Variants in VWA5A observed in about 807,000 individuals in gnomAD.
VWA5A encodes the protein von Willebrand factor A domain containing 5A, also known as von Willebrand factor A domain-containing protein 5A.
VWA5A carries 77 observed loss-of-function variants against 84.6 expected under a neutral mutation model. The observed-to-expected ratio is 0.91, with a 90% CI of 0.76 to 1.10. The LOEUF (loss-of-function observed/expected upper bound fraction) is 1.10. Ranked by LOEUF, VWA5A falls within the 50% of genes least tolerant of loss-of-function variation. The probability of loss-of-function intolerance (pLI) is 0.00; values close to 1 mark genes in which losing one functional copy is unlikely to be tolerated. For synonymous variants in VWA5A, 334 were observed against 350.1 expected, an observed-to-expected ratio of 0.95 and a Z score of 0.51; for missense variants, 973 against 963.0, an observed-to-expected ratio of 1.01 and a Z score of -0.14.
At chr11:124,137,320 T>C in intron 15 of VWA5A, 52 bp downstream of exon 15, 1 of 1,573,706 alleles carries the variant, frequency 6.4e-7, no homozygotes, top group Non-Finnish European at 8.6e-7. Flanking sequence ...ATTCTGACTA[T>C]CTGAGCACAT....
rs1029873360 is a variant in VWA5A, at chr11:124,141,705, T to G, written c.1987T>G (p.Cys663Gly). The change falls in exon 16 of 19, where the codon TGT becomes GGT. Residue 663 changes from cysteine to glycine, a missense_variant. Transcript: ENST00000456829. ...KTFQMDDYSLCGLISHKDQHS... is the reference protein window; with the variant it reads ...KTFQMDDYSLGGLISHKDQHS... ...ATTCCAGATGGACGATTACAGTCTC[T>G]GTGGGTTGATAAGTCACAAGGACCA... 3 of 1,614,104 alleles carry G rather than the reference T, an allele frequency of 1.9e-6. No individual in the cohort carries two copies. The highest frequency in any genetic ancestry group is 1.7e-6 in the Non-Finnish European group (2 of 1,180,044).
At chr11:124,128,792 T>A (rs559390298) in intron 11 of VWA5A, among the ~76,000 whole-genome samples, 5 of 152,314 alleles carry the variant, frequency 3.3e-5, no homozygotes, top group African/African-American at 1.2e-4. Flanking sequence ...TGTCTATTAT[T>A]GGTGTATAGG....
In VWA5A at chr11:124,143,915, AT is replaced by A. The variant is rs137910253; in HGVS notation, c.2155-1312del. Among the ~76,000 whole-genome samples, 12 of 149,396 alleles carry A rather than the reference AT, an allele frequency of 8.0e-5. No individual in the cohort carries two copies. The South Asian group carries it at 1.3e-3, about 16-fold the overall frequency. ...TATCTGAATTTCAGTAAGGAATTTG[AT>A]TTTTTTTTTAATGATGAGAACATGG... On this transcript the variant is annotated intron_variant, in intron 17 of 18. Transcript: ENST00000456829.
Position 124,118,330 on chromosome 11 carries a change from G to A in VWA5A, c.388G>A (p.Val130Met). ...GSKAAVTLKYVQELPLEADGA... is the reference protein window; with the variant it reads ...GSKAAVTLKYMQELPLEADGA... The stretch of plus-strand genomic sequence containing the variant: ...GAAGGCGGCAGTCACCCTGAAGTAT[G>A]TGCAGGAGCTGCCTCTGGAAGCAGA... The change falls in exon 5 of 19, where the codon GTG becomes ATG. Residue 130 changes from valine (V) to methionine (M), a missense_variant. Val to Met is a conservative substitution (Grantham distance 21). Transcript: ENST00000456829. 6.2e-7 allele frequency: 1 copy of A among 1,614,230 alleles called. No individual in the cohort carries two copies. The highest frequency in any genetic ancestry group is 8.5e-7 in the Non-Finnish European group (1 of 1,180,042).
In VWA5A at chr11:124,137,154, A is replaced by T. The variant is rs748145996; in HGVS notation, c.1765A>T (p.Ile589Phe). 1 of 1,614,064 alleles carries T rather than the reference A, an allele frequency of 6.2e-7. No homozygotes were observed. The highest frequency in any genetic ancestry group is 8.5e-7 in the Non-Finnish European group (1 of 1,180,020). The change falls in exon 15 of 19, where the codon ATT (isoleucine) becomes TTT (phenylalanine). Residue 589 changes from isoleucine to phenylalanine, a missense_variant. By Grantham distance (21) the Ile-to-Phe change is conservative. Coordinates refer to ENST00000456829, the MANE Select transcript of VWA5A (RefSeq NM_001130142.2). Reference sequence around the variant, plus strand: ...TGTCATAAGCTCCTTCACAGCTTTCATTGCTATCAATAAGGAGCTCAACAA... The same window carrying T: ...TGTCATAAGCTCCTTCACAGCTTTCTTTGCTATCAATAAGGAGCTCAACAA... Reference protein sequence around the residue: ...SGVISSFTAFIAINKELNKPV... With the variant: ...SGVISSFTAFFAINKELNKPV...
At chr11:124,127,970 C>T (rs1174219011) in intron 11 of VWA5A, among the ~76,000 whole-genome samples, 1 of 152,110 alleles carries the variant, frequency 6.6e-6, no homozygotes, top group African/African-American at 2.4e-5. Flanking sequence ...ATTCCCTGTT[C>T]ACTGTAATGA....
intron 7 of VWA5A, among the ~76,000 whole-genome samples, chr11:124,120,277 T>C (rs893879963): frequency 1.3e-5 from 2 of 152,226 alleles, no homozygotes; most frequent in African/African-American, 4.8e-5. Context: ...GTGTAACCCA[T>C]GTCAGTTTGC....
chr11:124,137,328 C>T (rs1231418605), intron 15 of VWA5A, 60 bp downstream of exon 15: 7 of 1,561,882 alleles, frequency 4.5e-6, no homozygotes, highest in Non-Finnish European at 1.7e-6. Flanking sequence ...TATCTGAGCA[C>T]ATTATTTAAA....
At chr11:124,145,135 C>T in intron 17 of VWA5A, 102 bp from the exon 18 acceptor site, 6 of 1,419,306 alleles carry the variant, frequency 4.2e-6, no homozygotes, top group Non-Finnish European at 5.6e-6. Flanking sequence ...GTAACTCCAT[C>T]TAGTGACATT....
intron 17 of VWA5A, among the ~76,000 whole-genome samples, chr11:124,142,808 G>T (rs766985847): frequency 6.6e-6 from 1 of 152,080 alleles, no homozygotes; most frequent in Non-Finnish European, 1.5e-5. Context: ...GATGACAAAG[G>T]GAAAGCAAAA....
intron 2 of VWA5A, chr11:124,117,280 T>C (rs758815377): frequency 1.2e-5 from 7 of 593,966 alleles, no homozygotes; most frequent in Admixed American, 5.9e-5. Context: ...GTTTAGTAGA[T>C]ACCAGTGAAT....
intron 8 of VWA5A, 45 bp downstream of exon 8, chr11:124,123,174 G>A (rs766061462): frequency 6.3e-7 from 1 of 1,588,016 alleles, no homozygotes; most frequent in Non-Finnish European, 8.5e-7. Context: ...GCTCAAGTGA[G>A]GATGAATCTG....
chr11:124,123,128 A>C lies in VWA5A; in HGVS notation c.929A>C (p.Lys310Thr). 6.2e-7 allele frequency: 1 copy of C among 1,609,536 alleles called. No individual in the cohort carries two copies. Among genetic ancestry groups the C allele is most frequent in the Non-Finnish European group, 8.5e-7 (1 of 1,178,742 alleles). Residue 310 changes from lysine (K) to threonine (T), a missense_variant and splice_region_variant, in exon 8 of 19, where the codon AAG becomes ACG. Transcript: ENST00000456829. Reference sequence around the variant, plus strand: ...TCTCAGCTGCGAATACAGGCAGCCAAGGTAAAGCTAGTTTCTTTCCTCTTC... The same window carrying C: ...TCTCAGCTGCGAATACAGGCAGCCACGGTAAAGCTAGTTTCTTTCCTCTTC... ...DTSQLRIQAAKETLILLLKSL... is the reference protein window; with the variant it reads ...DTSQLRIQAATETLILLLKSL...
chr11:124,145,836 A>C (rs766716805), intron 18 of VWA5A, 30 bp from the exon 19 acceptor site: 1 of 1,559,524 alleles, frequency 6.4e-7, no homozygotes, highest in African/African-American at 1.4e-5. Context: ...GCAATCCTTC[A>C]TCCCTGCTTC....
rs1163542250 is a variant in VWA5A at position 124,136,454 on chromosome 11, A to G, written c.1525-120A>G. 4.2e-6 allele frequency: 6 copies of G among 1,418,808 alleles called. No individual in the cohort carries two copies. The Admixed American group carries it at 9.4e-5, about 22-fold the overall frequency. The allele number at this position is 1,418,808 out of a possible 1,614,324, so 87.9% of individuals were successfully genotyped here. A position where few individuals can be genotyped will look rare whatever the true frequency, so the allele number is the denominator to read the frequency against. The stretch of plus-strand genomic sequence containing the variant: ...TTTCAGGTCTCCGGTTTCCTAGGCT[A>G]CCTGATTCTTCATCAGATATTTTCA... On this transcript the variant is annotated intron_variant, in intron 13 of 18. Transcript: ENST00000456829.
Position 124,145,264 on chromosome 11 carries a change from A to T in VWA5A, c.2182A>T (p.Ile728Phe). 6.2e-7 allele frequency: 1 copy of T among 1,613,808 alleles called. No individual in the cohort carries two copies. The highest frequency in any genetic ancestry group is 8.5e-7 in the Non-Finnish European group (1 of 1,179,830). The change falls in exon 18 of 19, where the codon ATC becomes TTC. Residue 728 changes from isoleucine to phenylalanine, a missense_variant. Transcript: ENST00000456829. ...TGTGGATTCCTCAGGCTGGGCCACC[A>T]TCCTGGCCGTGATCTGGCTGCACAG... ...ELVDSSGWAT[I>F]LAVIWLHSNG... is the part of the protein sequence containing the mutation.
At chr11:124,128,547 A>G (rs1056643584) in intron 11 of VWA5A, among the ~76,000 whole-genome samples, 1 of 151,826 alleles carries the variant, frequency 6.6e-6, no homozygotes, top group African/African-American at 2.4e-5. Flanking sequence ...TAATTCTGTG[A>G]AGAAAGTCAA....
At chr11:124,135,522 C>CCTTTTTTTTTT (rs1330618929) in intron 12 of VWA5A, among the ~76,000 whole-genome samples, 1 of 84,316 alleles carries the variant, frequency 1.2e-5, no homozygotes. Flanking sequence ...GGTGGTATTT[C>CCTTTTTTTTTT]TTTTTTTTTT....
chr11:124,118,826 A>G (rs973748792), intron 6 of VWA5A, 118 bp downstream of exon 6: 15 of 1,369,936 alleles, frequency 1.1e-5, no homozygotes, highest in Non-Finnish European at 1.4e-5. Flanking sequence ...CTCCTTGCAT[A>G]TCGTCATTTA....
Sources: allele counts gnomAD v4.1 joint callset (sites outside exome capture counted in the v4.1 genomes callset), GRCh38; gene constraint gnomAD v4.1.1; transcripts MANE v1.5; gene names NCBI Gene and HGNC (gene_info 2026-07-23, HGNC 2026-07-21).